Variants in PRR27 observed in about 807,000 individuals in gnomAD.
PRR27 encodes the protein proline-rich protein 27.
Under a neutral mutation model 16.8 loss-of-function variants are expected in PRR27, and 12 were observed. The ratio of observed to expected loss-of-function variants is 0.71; its 90% CI spans 0.46 to 1.16. The LOEUF (loss-of-function observed/expected upper bound fraction) is 1.16. Among genes scored for constraint, PRR27 ranks in the 50% most tolerant of loss-of-function variants. The pLI, the probability that PRR27 is intolerant of heterozygous loss-of-function variation, is 0.00. For missense variants in PRR27, 277 were observed against 273.3 expected (o/e 1.01, Z -0.10); for synonymous variants, 100 against 98.4 (o/e 1.02, Z -0.10).
At chr4:70,160,023 C>CT (rs34039793) in intron 3 of PRR27, among the ~76,000 whole-genome samples, 1 of 151,388 alleles carries the variant, frequency 6.6e-6, no homozygotes, top group African/African-American at 2.4e-5. Flanking sequence ...AGCATATCCT[C>CT]TTTTTAAAAA....
chr4:70,156,839 T>C (rs1728493221), intron 2 of PRR27, among the ~76,000 whole-genome samples: 1 of 151,528 alleles, frequency 6.6e-6, no homozygotes, highest in South Asian at 2.1e-4. Context: ...AAATAATGTT[T>C]TAAAATAGAA....
intron 4 of PRR27, 73 bp downstream of exon 4, chr4:70,161,703 TG>T: frequency 1.5e-6 from 1 of 655,170 alleles, no homozygotes; most frequent in Non-Finnish European, 2.5e-6. Flanking sequence ...GAAGCTACCT[TG>T]GAATGTATTA....
chr4:70,166,206 A>C lies in PRR27; in HGVS notation c.*3545A>C, dbSNP rs574402794. 2 of 152,178 alleles carry C rather than the reference A, an allele frequency of 1.3e-5. No individual in the cohort carries two copies. The highest frequency in any genetic ancestry group is 2.1e-4 in the South Asian group (1 of 4,832). The allele number at this position is 152,178 out of a possible 1,614,324, so 9.4% of individuals were successfully genotyped here. On this transcript the variant is annotated 3_prime_UTR_variant, in exon 5 of 5. Coordinates refer to ENST00000344526, the MANE Select transcript of PRR27 (RefSeq NM_214711.4). Reference sequence around the variant, plus strand: ...TGCCATGAAAGATCAAATATATCACATTTTATTTGACTAAAAAGTAAACTA... The same window carrying C: ...TGCCATGAAAGATCAAATATATCACCTTTTATTTGACTAAAAAGTAAACTA...
chr4:70,163,591 C>CG lies in PRR27; in HGVS notation c.*931dup, dbSNP rs1346374019. 2.0e-5 allele frequency: 3 copies of CG among 152,578 alleles called. No homozygotes were observed. Among genetic ancestry groups the CG allele is most frequent in the African/African-American group, 7.2e-5 (3 of 41,410 alleles). 9.5% of individuals were successfully genotyped at this position (152,578 alleles called of 1,614,324 possible). Reference sequence around the variant, plus strand: ...CCTCCCAAAGTGCTGGGAATACAGGCGTGAGCCACCGTGCCCTGCCAGAAT... The same window carrying CG: ...CCTCCCAAAGTGCTGGGAATACAGGCGGTGAGCCACCGTGCCCTGCCAGAAT... On this transcript the variant is annotated 3_prime_UTR_variant, in exon 5 of 5. Coordinates refer to ENST00000344526, the MANE Select transcript of PRR27 (RefSeq NM_214711.4).
In PRR27 at chr4:70,161,179, T is replaced by TATATACAC. The variant is rs527588905; in HGVS notation, c.649-406_649-405insTATACACA. On this transcript the variant is annotated intron_variant, in intron 3 of 4. Transcript: ENST00000344526. ...CTGTATATATATATATATATATATA[T>TATATACAC]ACACACATACATATATATACACGTA... Among the ~76,000 whole-genome samples the TATATACAC allele has an allele frequency of 2.5e-4, 27 of 107,678 alleles. 2 individuals carry two copies. Among genetic ancestry groups the TATATACAC allele is most frequent in the African/African-American group, 7.2e-4 (21 of 29,002 alleles). 70.6% of individuals were successfully genotyped at this position (107,678 alleles called of 152,430 possible).
chr4:70,155,920 ATTAG>A (rs1359766879), intron 1 of PRR27, 130 bp from the exon 2 acceptor site: 2 of 593,032 alleles, frequency 3.4e-6, no homozygotes, highest in South Asian at 2.0e-5. Context: ...AAAAATTCAT[ATTAG>A]TTACTCAAAT....
chr4:70,154,458 T>C, intron 1 of PRR27, 32 bp downstream of exon 1: 4 of 1,538,496 alleles, frequency 2.6e-6, no homozygotes, highest in Non-Finnish European at 3.6e-6. Flanking sequence ...ATTGTAACAA[T>C]TGTATAACCA....
rs1728704629 is a variant in PRR27, at chr4:70,163,947, G to A, written c.*1286G>A. On this transcript the variant is annotated 3_prime_UTR_variant, in exon 5 of 5. Coordinates refer to ENST00000344526, the MANE Select transcript of PRR27 (RefSeq NM_214711.4). ...GATCTTATCCAAGAACCTTTGCCCT[G>A]ATGTATGAATGACTAACTGCTTTTC... is the stretch of plus-strand genomic sequence containing the variant. 1.3e-5 allele frequency: 2 copies of A among 149,342 alleles called. No individual in the cohort carries two copies. Among genetic ancestry groups the A allele is most frequent in the African/African-American group, 5.0e-5 (2 of 40,298 alleles). 9.3% of individuals were successfully genotyped at this position (149,342 alleles called of 1,614,324 possible).
At chr4:70,158,955 G>T (rs1189165988) in intron 3 of PRR27, 55 bp downstream of exon 3, 4 of 1,481,632 alleles carry the variant, frequency 2.7e-6, no homozygotes, top group Non-Finnish European at 3.6e-6. Context: ...TTTGTAGAAG[G>T]GGAAAAAAAA....
Position 70,161,575 on chromosome 4 carries a change from A to G in PRR27, c.649-11A>G. The G allele has an allele frequency of 2.0e-6, 3 of 1,505,934 alleles. No individual in the cohort carries two copies. Among genetic ancestry groups the G allele is most frequent in the South Asian group, 1.2e-5 (1 of 85,392 alleles). 93.3% of individuals were successfully genotyped at this position (1,505,934 alleles called of 1,614,324 possible). A position where few individuals can be genotyped will look rare whatever the true frequency, so the allele number is the denominator to read the frequency against. ...TGTTTATGAAAAGATCTTTTTTTTA[A>G]TGTTTTCTAGGCAAATCAGTGAAAT... is the stretch of plus-strand genomic sequence containing the variant. On this transcript the variant is annotated splice_polypyrimidine_tract_variant and intron_variant, in intron 3 of 4. Transcript: ENST00000344526.
At position 70,163,022 on chromosome 4, in the gene PRR27, A is replaced by G. The variant is rs1396404588; in HGVS notation, c.*361A>G. On this transcript the variant is annotated 3_prime_UTR_variant, in exon 5 of 5. Coordinates refer to ENST00000344526, the MANE Select transcript of PRR27 (RefSeq NM_214711.4). The stretch of plus-strand genomic sequence containing the variant: ...GCAATAGGTTTTTTCCTAAACAAAC[A>G]TATTTTGTAGTCAATGAACTTTTTG... 1 of 152,210 alleles carries G rather than the reference A, an allele frequency of 6.6e-6. No individual in the cohort carries two copies. The highest frequency in any genetic ancestry group is 6.5e-5 in the Admixed American group (1 of 15,274). 9.4% of individuals were successfully genotyped at this position (152,210 alleles called of 1,614,324 possible). A position where few individuals can be genotyped will look rare whatever the true frequency, so the allele number is the denominator to read the frequency against.
rs1339535956 is a variant in PRR27 at position 70,163,856 on chromosome 4, A to T, written c.*1195A>T. On this transcript the variant is annotated 3_prime_UTR_variant, in exon 5 of 5. Coordinates refer to ENST00000344526, the MANE Select transcript of PRR27 (RefSeq NM_214711.4). ...CTAACTTCATTCCCTATCATTCTCC[A>T]TCTTGCCCCATGCTCCTCATGCAGC... is the stretch of plus-strand genomic sequence containing the variant. 6.7e-6 allele frequency: 1 copy of T among 149,894 alleles called. No individual in the cohort carries two copies. The highest frequency in any genetic ancestry group is 1.5e-5 in the Non-Finnish European group (1 of 67,698). The allele number at this position is 149,894 out of a possible 1,614,324, so 9.3% of individuals were successfully genotyped here. A position where few individuals can be genotyped will look rare whatever the true frequency, so the allele number is the denominator to read the frequency against.
At chr4:70,159,682 CAT>C (rs1728593126) in intron 3 of PRR27, among the ~76,000 whole-genome samples, 1 of 152,092 alleles carries the variant, frequency 6.6e-6, no homozygotes, top group African/African-American at 2.4e-5. Flanking sequence ...GTAGTACACA[CAT>C]ATATGTGTGT....
intron 1 of PRR27, chr4:70,154,665 G>A: frequency 1.0e-6 from 1 of 983,544 alleles, no homozygotes; most frequent in African/African-American, 1.6e-5. Context: ...CATAAATGTA[G>A]GAGGCTGGAG....
chr4:70,165,132 A>C lies in PRR27; in HGVS notation c.*2471A>C, dbSNP rs1324210152. The C allele has an allele frequency of 1.3e-5, 2 of 152,134 alleles. No individual in the cohort carries two copies. The highest frequency in any genetic ancestry group is 2.9e-5 in the Non-Finnish European group (2 of 67,970). The allele number at this position is 152,134 out of a possible 1,614,324, so 9.4% of individuals were successfully genotyped here. A position where few individuals can be genotyped will look rare whatever the true frequency, so the allele number is the denominator to read the frequency against. ...TAACATTTGAATTGAGGTAATTTCC[A>C]CTGTGGAAAACAAACTGTTGTTAGT... On this transcript the variant is annotated 3_prime_UTR_variant, in exon 5 of 5. Transcript: ENST00000344526.
rs71210152 is a variant in PRR27 at position 70,163,884 on chromosome 4, CT to C, written c.*1237del. The C allele has an allele frequency of 0.36, 52,063 of 144,688 alleles. 9,367 individuals are homozygous for C. Among genetic ancestry groups the C allele is most frequent in the East Asian group, 0.57 (2,848 of 4,970 alleles). 9.0% of individuals were successfully genotyped at this position (144,688 alleles called of 1,614,324 possible). On this transcript the variant is annotated 3_prime_UTR_variant, in exon 5 of 5. Transcript: ENST00000344526. ...TTGCCCCATGCTCCTCATGCAGCAG[CT>C]TTTTTTTTTTTTTCCTTTTTCAAAT...
Position 70,163,312 on chromosome 4 carries a change from TC to T in PRR27, c.*652del. 1 of 118,332 alleles carries T rather than the reference TC, an allele frequency of 8.5e-6. No individual in the cohort carries two copies. Among genetic ancestry groups the T allele is most frequent in the Non-Finnish European group, 1.8e-5 (1 of 54,260 alleles). The allele number at this position is 118,332 out of a possible 1,614,324, so 7.3% of individuals were successfully genotyped here. ...CCCTAACAGAAATGGAGGAATAGCCTCTTTTTTTTTTTTTTTTTTTGAGACG... is the reference window on the plus strand; with the variant it reads ...CCCTAACAGAAATGGAGGAATAGCCTTTTTTTTTTTTTTTTTTTTGAGACG... On this transcript the variant is annotated 3_prime_UTR_variant, in exon 5 of 5. Coordinates refer to ENST00000344526, the MANE Select transcript of PRR27 (RefSeq NM_214711.4).
intron 1 of PRR27, chr4:70,154,921 A>T (rs1728441984): frequency 2.5e-6 from 1 of 402,342 alleles, no homozygotes; most frequent in African/African-American, 2.1e-5. Context: ...TGAAACTCTA[A>T]TGTAAGACAA....
chr4:70,161,587 C>A lies in PRR27; in HGVS notation c.650C>A (p.Ala217Glu). 3 of 1,513,536 alleles carry A rather than the reference C, an allele frequency of 2.0e-6. No homozygotes were observed. Among genetic ancestry groups the A allele is most frequent in the Non-Finnish European group, 1.8e-6 (2 of 1,098,126 alleles). 93.8% of individuals were successfully genotyped at this position (1,513,536 alleles called of 1,614,324 possible). The change falls in exon 4 of 5, where the codon GCA (alanine) becomes GAA (glutamate). Residue 217 changes from alanine (A) to glutamate (E), a missense_variant and splice_region_variant. Ala to Glu is a moderately radical substitution (Grantham distance 107). Coordinates refer to ENST00000344526, the MANE Select transcript of PRR27 (RefSeq NM_214711.4). ...EPHPSPSLEQ[A>E]NQ ...GATCTTTTTTTTAATGTTTTCTAGG[C>A]AAATCAGTGAAATTCTCTAGAAGAG...
Sources: allele counts gnomAD v4.1 joint callset (sites outside exome capture counted in the v4.1 genomes callset), GRCh38; gene constraint gnomAD v4.1.1; transcripts MANE v1.5; gene names NCBI Gene and HGNC (gene_info 2026-07-23, HGNC 2026-07-21).